Variants in PRELID2 observed in about 807,000 individuals in gnomAD.
PRELID2 encodes PRELI domain-containing protein 2.
A neutral mutation model predicts 28.4 loss-of-function variants in PRELID2; 25 were observed. The observed-to-expected ratio is 0.88, with a 90% CI of 0.64 to 1.23. The LOEUF is 1.23. Ranked by LOEUF, PRELID2 falls within the 50% of genes most tolerant of loss-of-function variation. PRELID2 has a pLI of 0.00. For synonymous variants in PRELID2, 76 were observed against 71.6 expected, an observed-to-expected ratio of 1.06 and a Z score of -0.31; for missense variants, 201 against 214.4, an observed-to-expected ratio of 0.94 and a Z score of 0.39.
At chr5:145,540,690 A>G (rs1460627272) in intron 1 of PRELID2, among the ~76,000 whole-genome samples, 2 of 108,380 alleles carry the variant, frequency 1.8e-5, no homozygotes, top group African/African-American at 6.9e-5. Context: ...TCAATGGCAG[A>G]AAAAAAAAAA....
the PRELID2 span, among the ~76,000 whole-genome samples, chr5:145,352,201 G>T: frequency 1.3e-5 from 2 of 152,266 alleles, no homozygotes; most frequent in South Asian, 2.1e-4. Context: ...TTTCCCTTCT[G>T]CACTGCCCTA....
rs1185296551 is a variant in PRELID2 at position 145,796,433 on chromosome 5, T to C, written c.474+9A>G. The C allele has an allele frequency of 6.3e-7, 1 of 1,588,552 alleles. No individual in the cohort carries two copies. Among genetic ancestry groups the C allele is most frequent in the Non-Finnish European group, 8.6e-7 (1 of 1,159,634 alleles). ...AATTAATGTTGGTTCAAAGCAGAAA[T>C]ATGGTTACCTTCTGGGCTCCCTGTC... On this transcript the variant is annotated intron_variant, in intron 5 of 6. Transcript: ENST00000683046.
intron 1 of PRELID2, among the ~76,000 whole-genome samples, chr5:145,482,256 A>T (rs987501610): frequency 2.0e-5 from 3 of 152,224 alleles, no homozygotes; most frequent in African/African-American, 7.2e-5. Flanking sequence ...ATCTTATCAC[A>T]TAGTCACACC....
chr5:145,355,421 T>C, the PRELID2 span, among the ~76,000 whole-genome samples: 1 of 152,122 alleles, frequency 6.6e-6, no homozygotes, highest in African/African-American at 2.4e-5. Flanking sequence ...GTGTAGAGAT[T>C]GAGGAAAAGA....
intron 1 of PRELID2, among the ~76,000 whole-genome samples, chr5:145,535,325 C>A (rs745353543): frequency 2.0e-5 from 3 of 151,754 alleles, no homozygotes; most frequent in Non-Finnish European, 2.9e-5. Flanking sequence ...TGTAGCCCAG[C>A]GAGTTTAAGT....
At chr5:145,780,937 G>A (rs1429355967) in intron 5 of PRELID2, among the ~76,000 whole-genome samples, 6 of 152,182 alleles carry the variant, frequency 3.9e-5, no homozygotes, top group Non-Finnish European at 8.8e-5. Flanking sequence ...AAGGAAAAAG[G>A]AGTCAAATCT....
chr5:145,402,920 A>T, the PRELID2 span, among the ~76,000 whole-genome samples: 2 of 152,178 alleles, frequency 1.3e-5, no homozygotes, highest in Non-Finnish European at 2.9e-5. Flanking sequence ...CCATCCAGAT[A>T]CTATACACTG....
At chr5:145,552,639 C>T (rs75558678) in intron 1 of PRELID2, among the ~76,000 whole-genome samples, 8,982 of 152,090 alleles carry the variant, frequency 0.059, 894 homozygotes, top group African/African-American at 0.2. Context: ...AGAAAAACAT[C>T]TTATCCTTAC....
chr5:145,692,391 C>T (rs367617770), intron 1 of PRELID2, among the ~76,000 whole-genome samples: 59 of 152,156 alleles, frequency 3.9e-4, no homozygotes, highest in African/African-American at 1.3e-3. Context: ...CACACACATA[C>T]CCCCTAGGCC....
chr5:145,267,728 T>A, the PRELID2 span, among the ~76,000 whole-genome samples: 1 of 152,166 alleles, frequency 6.6e-6, no homozygotes, highest in Non-Finnish European at 1.5e-5. Context: ...TTGGGAAACT[T>A]TCAAACTGCT....
the PRELID2 span, among the ~76,000 whole-genome samples, chr5:145,439,544 A>T: frequency 0.24 from 35,822 of 151,982 alleles, 4,379 homozygotes; most frequent in South Asian, 0.35. Context: ...TACCTATTTT[A>T]TCTAAAACCA....
At chr5:145,634,110 T>A (rs1023179812) in intron 1 of PRELID2, among the ~76,000 whole-genome samples, 6 of 152,214 alleles carry the variant, frequency 3.9e-5, no homozygotes, top group African/African-American at 1.4e-4. Flanking sequence ...TCTTTCTTTC[T>A]TCCAGGGTGG....
At chr5:145,793,946 TG>T (rs1407533844) in intron 5 of PRELID2, among the ~76,000 whole-genome samples, 1 of 152,170 alleles carries the variant, frequency 6.6e-6, no homozygotes, top group African/African-American at 2.4e-5. Context: ...CTGGTCCATG[TG>T]GTCATGGCAG....
At chr5:145,630,702 G>C (rs567096238) in intron 1 of PRELID2, among the ~76,000 whole-genome samples, 3 of 152,304 alleles carry the variant, frequency 2.0e-5, no homozygotes, top group African/African-American at 7.2e-5. Context: ...GAACTACCAT[G>C]AGACCATGGG....
intron 1 of PRELID2, among the ~76,000 whole-genome samples, chr5:145,491,375 G>A (rs1345549229): frequency 2.0e-5 from 3 of 152,030 alleles, no homozygotes; most frequent in Non-Finnish European, 4.4e-5. Context: ...CTGCCTTCAT[G>A]ACTAATCACT....
the PRELID2 span, among the ~76,000 whole-genome samples, chr5:145,422,775 A>T: frequency 6.6e-6 from 1 of 150,952 alleles, no homozygotes; most frequent in Non-Finnish European, 1.5e-5. Flanking sequence ...TGATCCTGTC[A>T]TTATGATGTT....
the PRELID2 span, among the ~76,000 whole-genome samples, chr5:145,413,436 A>G: frequency 6.6e-6 from 1 of 152,186 alleles, no homozygotes; most frequent in Admixed American, 6.5e-5. Flanking sequence ...TCCTTGAAGA[A>G]CTAAAAGTAG....
chr5:145,404,033 T>A, the PRELID2 span, among the ~76,000 whole-genome samples: 2 of 152,148 alleles, frequency 1.3e-5, no homozygotes, highest in Non-Finnish European at 2.9e-5. Flanking sequence ...AACCATCTCA[T>A]TTGTAGATGG....
the PRELID2 span, among the ~76,000 whole-genome samples, chr5:145,348,178 AC>A: frequency 6.6e-6 from 1 of 151,912 alleles, no homozygotes; most frequent in African/African-American, 2.4e-5. Flanking sequence ...TTGTCAATAA[AC>A]ACATTAGTGA....
Sources: allele counts gnomAD v4.1 joint callset (sites outside exome capture counted in the v4.1 genomes callset), GRCh38; gene constraint gnomAD v4.1.1; transcripts MANE v1.5; gene names NCBI Gene and HGNC (gene_info 2026-07-23, HGNC 2026-07-21).